CCDC198: variants seen among roughly 807,000 people sequenced by gnomAD.
The protein encoded by CCDC198 is coiled-coil domain containing 198.
In CCDC198, 18 loss-of-function variants were observed where a neutral mutation model predicts 35.6. The observed-to-expected ratio is 0.51, with a 90% CI of 0.35 to 0.75. CCDC198 has a LOEUF of 0.75. Among genes scored for constraint, CCDC198 ranks in the 30% least tolerant of loss-of-function variants. CCDC198 has a pLI of 0.01. For synonymous variants in CCDC198, 119 were observed against 113.4 expected (o/e 1.05, Z -0.31); for missense variants, 365 against 343.7 (o/e 1.06, Z -0.49).
At chr14:57,481,506 G>A (rs1198490466) in intron 4 of CCDC198, 53 bp downstream of exon 4, 2 of 1,188,814 alleles carry the variant, frequency 1.7e-6, no homozygotes, top group East Asian at 2.3e-5. Context: ...ATGTGGCAGG[G>A]CAGTGATTAT....
At position 57,493,496 on chromosome 14, in the gene CCDC198, T is replaced by A. The variant is rs144484702; in HGVS notation, c.220A>T (p.Thr74Ser). The A allele has an allele frequency of 2.2e-5, 35 of 1,613,058 alleles. No homozygotes were observed. The highest frequency in any genetic ancestry group is 5.0e-5 in the Admixed American group (3 of 59,970). ...LQENWYGRYS[T>S]ASRDMYFDIP... is the part of the protein sequence containing the mutation. ...TCATGCTGGGTTTTATGTTTACCTG[T>A]AGAATATCTTCCATACCAGTTTTCT... is the stretch of plus-strand genomic sequence containing the variant. The change falls in exon 1 of 6, where the codon ACA becomes TCA. Residue 74 changes from threonine (T) to serine (S), a missense_variant. Coordinates refer to ENST00000216445, the MANE Select transcript of CCDC198 (RefSeq NM_018168.4).
intron 5 of CCDC198, chr14:57,479,172 G>T (rs2067103239): frequency 9.9e-6 from 5 of 503,178 alleles, no homozygotes; most frequent in South Asian, 1.8e-5. Flanking sequence ...GTGGGGGCTG[G>T]GTGCGAGAGT....
Position 57,471,501 on chromosome 14 carries a change from C to G in CCDC198, c.745G>C (p.Glu249Gln). ...KIGKMETWLH[E>Q]QEAQGQLLWD... ...AGAAGCTGTCCCTGGGCCTCTTGTT[C>G]ATGAAGCCATGTTTCCATTTTGCCA... The change falls in exon 6 of 6, where the codon GAA becomes CAA. Residue 249 changes from glutamate (E) to glutamine (Q), a missense_variant. Coordinates refer to ENST00000216445, the MANE Select transcript of CCDC198 (RefSeq NM_018168.4). 1 of 1,613,898 alleles carries G rather than the reference C, an allele frequency of 6.2e-7. No homozygotes were observed. Among genetic ancestry groups the G allele is most frequent in the Non-Finnish European group, 8.5e-7 (1 of 1,179,952 alleles).
At chr14:57,487,389 G>A (rs945604002) in intron 2 of CCDC198, among the ~76,000 whole-genome samples, 3 of 152,106 alleles carry the variant, frequency 2.0e-5, no homozygotes, top group African/African-American at 7.2e-5. Context: ...TGGTCAGGGT[G>A]GGTCTTATAG....
chr14:57,481,779 T>A, intron 3 of CCDC198, 119 bp from the exon 4 acceptor site: 1 of 636,818 alleles, frequency 1.6e-6, no homozygotes, highest in East Asian at 2.8e-5. Context: ...TGTAGAGATA[T>A]CTTGTGATGA....
Position 57,471,600 on chromosome 14 carries a change from A to T in CCDC198, c.656-10T>A, listed in dbSNP as rs760021045. 1.4e-5 allele frequency: 21 copies of T among 1,487,060 alleles called. No homozygotes were observed. The highest frequency in any genetic ancestry group is 1.8e-5 in the Non-Finnish European group (20 of 1,093,158). The allele number at this position is 1,487,060 out of a possible 1,614,324, so 92.1% of individuals were successfully genotyped here. ...GTATTCTTTGAATTTCCTACAAAAA[A>T]ATTAAGTTTCTTTAATTTTTTCCCT... On this transcript the variant is annotated splice_polypyrimidine_tract_variant and intron_variant, in intron 5 of 5. Coordinates refer to ENST00000216445, the MANE Select transcript of CCDC198 (RefSeq NM_018168.4).
intron 5 of CCDC198, chr14:57,475,785 C>CTTT: frequency 3.6e-5 from 6 of 165,668 alleles, no homozygotes; most frequent in South Asian, 6.4e-5. Context: ...CGGCACTTAG[C>CTTT]TTCTTTTTTT....
chr14:57,484,118 G>A (rs1038812071), intron 2 of CCDC198, among the ~76,000 whole-genome samples: 2 of 152,200 alleles, frequency 1.3e-5, no homozygotes, highest in African/African-American at 4.8e-5. Flanking sequence ...GGGTGTGTTA[G>A]GGGTTGAATT....
chr14:57,483,643 G>C (rs957480557), intron 2 of CCDC198, among the ~76,000 whole-genome samples: 1 of 152,326 alleles, frequency 6.6e-6, no homozygotes, highest in South Asian at 2.1e-4. Flanking sequence ...AAACTGCAGT[G>C]TGCTAACACA....
chr14:57,471,478 A>G lies in CCDC198; in HGVS notation c.768T>C (p.Leu256=), dbSNP rs1173729882. The G allele has an allele frequency of 1.1e-5, 18 of 1,613,932 alleles. No homozygotes were observed. The highest frequency in any genetic ancestry group is 1.5e-5 in the Non-Finnish European group (18 of 1,180,012). The change falls in exon 6 of 6, where the codon CTT becomes CTC. Residue 256 remains leucine (L), a synonymous_variant. Transcript: ENST00000216445. ...AGTCAGAGCTGGAACTGTCCCAGAG[A>G]AGCTGTCCCTGGGCCTCTTGTTCAT... ...WLHEQEAQGQ[L]LWDSSSSDSD... is the part of the protein sequence containing the mutation.
At chr14:57,491,936 C>T (rs2067586297) in intron 1 of CCDC198, among the ~76,000 whole-genome samples, 1 of 152,042 alleles carries the variant, frequency 6.6e-6, no homozygotes, top group Non-Finnish European at 1.5e-5. Context: ...GGACTTTGTT[C>T]TCTCTAACTT....
intron 2 of CCDC198, among the ~76,000 whole-genome samples, chr14:57,489,616 G>T (rs1187196802): frequency 6.6e-6 from 1 of 152,158 alleles, no homozygotes; most frequent in Admixed American, 6.6e-5. Context: ...TAGGGTGTGT[G>T]TGTATGGGGG....
intron 5 of CCDC198, chr14:57,478,711 T>C: frequency 2.0e-6 from 2 of 1,021,640 alleles, no homozygotes; most frequent in South Asian, 3.9e-5. Flanking sequence ...AAAAATTGTT[T>C]ATGTGACTAC....
chr14:57,481,505 G>T, intron 4 of CCDC198, 54 bp downstream of exon 4: 2 of 1,184,630 alleles, frequency 1.7e-6, no homozygotes, highest in African/African-American at 1.5e-5. Flanking sequence ...CATGTGGCAG[G>T]GCAGTGATTA....
chr14:57,484,099 T>C (rs1333374263), intron 2 of CCDC198, among the ~76,000 whole-genome samples: 1 of 152,184 alleles, frequency 6.6e-6, no homozygotes, highest in Admixed American at 6.5e-5. Context: ...GGACTCCACC[T>C]GAAAAACAGG....
chr14:57,486,582 G>T (rs991979219), intron 2 of CCDC198, among the ~76,000 whole-genome samples: 13 of 152,044 alleles, frequency 8.6e-5, no homozygotes, highest in African/African-American at 3.1e-4. Context: ...GGATTCTGAT[G>T]ATTTCTTTCT....
intron 2 of CCDC198, 126 bp downstream of exon 2, chr14:57,490,863 C>A: frequency 2.2e-6 from 2 of 930,216 alleles, no homozygotes; most frequent in South Asian, 3.5e-5. Context: ...TGACATTTTT[C>A]TTTAAGAACA....
In CCDC198 at chr14:57,475,783, A is replaced by C. The variant is rs147137460; in HGVS notation, c.656-4193T>G. 465 of 200,624 alleles carry C rather than the reference A, an allele frequency of 2.3e-3. 4 individuals are homozygous for C. Among genetic ancestry groups the C allele is most frequent in the African/African-American group, 0.013 (432 of 32,686 alleles). The allele number at this position is 200,624 out of a possible 1,614,324, so 12.4% of individuals were successfully genotyped here. The stretch of plus-strand genomic sequence containing the variant: ...ATTCCCATACATTTGTACGGCACTT[A>C]GCTTCTTTTTTTTTTTTTTTTTTTT... On this transcript the variant is annotated intron_variant, in intron 5 of 5. Coordinates refer to ENST00000216445, the MANE Select transcript of CCDC198 (RefSeq NM_018168.4).
At chr14:57,491,883 A>G (rs2067583422) in intron 1 of CCDC198, among the ~76,000 whole-genome samples, 1 of 152,110 alleles carries the variant, frequency 6.6e-6, no homozygotes, top group Non-Finnish European at 1.5e-5. Flanking sequence ...TCCCTGGGTA[A>G]TTATGCATCT....
Sources: allele counts gnomAD v4.1 joint callset (sites outside exome capture counted in the v4.1 genomes callset), GRCh38; gene constraint gnomAD v4.1.1; transcripts MANE v1.5; gene names NCBI Gene and HGNC (gene_info 2026-07-23, HGNC 2026-07-21).